ANKH: variants seen among roughly 807,000 people sequenced by gnomAD.
ANKH encodes ANKH inorganic pyrophosphate transport regulator.
Under a neutral mutation model 49.0 loss-of-function variants are expected in ANKH, and 15 were observed. The ratio of observed to expected loss-of-function variants is 0.31; its 90% CI spans 0.20 to 0.47. The LOEUF is 0.47. ANKH is among the 20% of genes least tolerant of loss of function. The probability of loss-of-function intolerance (pLI) is 1.00; values close to 1 mark genes in which losing one functional copy is unlikely to be tolerated. For missense variants in ANKH, 429 were observed against 652.0 expected (o/e 0.66, Z 3.72); for synonymous variants, 273 against 260.0 (o/e 1.05, Z -0.48).
intron 8 of ANKH, among the ~76,000 whole-genome samples, chr5:14,734,354 C>T (rs905267925): frequency 2.0e-5 from 3 of 152,142 alleles, no homozygotes; most frequent in Non-Finnish European, 4.4e-5. Context: ...GGGCCACGTG[C>T]GTCAGGGATA....
chr5:14,824,401 C>T (rs142751635), intron 1 of ANKH, among the ~76,000 whole-genome samples: 11 of 152,062 alleles, frequency 7.2e-5, no homozygotes, highest in South Asian at 2.1e-4. Flanking sequence ...TATAAAAAAG[C>T]GGTTTCTTTT....
intron 6 of ANKH, among the ~76,000 whole-genome samples, chr5:14,747,768 T>C (rs1259020272): frequency 6.6e-6 from 1 of 152,094 alleles, no homozygotes; most frequent in Non-Finnish European, 1.5e-5. Flanking sequence ...CCCAGCAATG[T>C]GAAGAAAGTG....
At chr5:14,726,714 C>T (rs2126438316) in intron 8 of ANKH, among the ~76,000 whole-genome samples, 1 of 152,270 alleles carries the variant, frequency 6.6e-6, no homozygotes, top group South Asian at 2.1e-4. Flanking sequence ...GGAATTCCAT[C>T]AGGACACACT....
chr5:14,765,045 C>G (rs1254027268), intron 2 of ANKH, among the ~76,000 whole-genome samples: 1 of 152,250 alleles, frequency 6.6e-6, no homozygotes, highest in African/African-American at 2.4e-5. Flanking sequence ...AATGCAAGGT[C>G]AGCACGCTTT....
chr5:14,841,533 G>A (rs1741816413), intron 1 of ANKH, among the ~76,000 whole-genome samples: 1 of 152,138 alleles, frequency 6.6e-6, no homozygotes. Context: ...CTGACCTCAG[G>A]TGATCCATGC....
intron 1 of ANKH, among the ~76,000 whole-genome samples, chr5:14,817,296 C>G (rs137913134): frequency 6.6e-6 from 1 of 151,512 alleles, no homozygotes; most frequent in African/African-American, 2.4e-5. Context: ...CTATGTGTGA[C>G]GCTAAAACGC....
intron 1 of ANKH, among the ~76,000 whole-genome samples, chr5:14,852,986 G>A (rs1292448999): frequency 1.3e-5 from 2 of 151,990 alleles, no homozygotes; most frequent in East Asian, 1.9e-4. Context: ...AGGTACCCCC[G>A]GGAGTGTGCA....
At chr5:14,804,993 C>T (rs549435285) in intron 1 of ANKH, among the ~76,000 whole-genome samples, 46 of 152,166 alleles carry the variant, frequency 3.0e-4, no homozygotes, top group African/African-American at 9.2e-4. Flanking sequence ...CTTGCTGTGA[C>T]GGTTAATACT....
At chr5:14,758,453 A>G (rs758111026) in intron 3 of ANKH, 27 bp downstream of exon 3, 6 of 1,562,160 alleles carry the variant, frequency 3.8e-6, no homozygotes, top group South Asian at 3.3e-5. Flanking sequence ...AGAAAAAGAA[A>G]GAAAGCCAAC....
chr5:14,755,482 C>T (rs1039986305), intron 4 of ANKH, among the ~76,000 whole-genome samples: 3 of 152,174 alleles, frequency 2.0e-5, no homozygotes, highest in Non-Finnish European at 4.4e-5. Flanking sequence ...GAGTGACAGA[C>T]TTCATAGTGA....
chr5:14,749,082 G>C (rs1455334410), intron 6 of ANKH, 90 bp downstream of exon 6: 3 of 1,561,462 alleles, frequency 1.9e-6, no homozygotes, highest in Admixed American at 1.7e-5. Flanking sequence ...GGAATTACTT[G>C]AGCTCTCGAG....
chr5:14,816,605 T>G, intron 1 of ANKH, among the ~76,000 whole-genome samples: 1 of 152,140 alleles, frequency 6.6e-6, no homozygotes, highest in African/African-American at 2.4e-5. Context: ...CTCTATTCTC[T>G]CACAAAAGGT....
At chr5:14,871,224 C>G in intron 1 of ANKH, 128 bp downstream of exon 1, 1 of 810,972 alleles carries the variant, frequency 1.2e-6, no homozygotes, top group Admixed American at 2.0e-5. Flanking sequence ...CCTTGACAAG[C>G]TGCACACCCG....
At position 14,711,385 on chromosome 5, in the gene ANKH, A is replaced by G. The variant is rs543629359; in HGVS notation, c.1366-75T>C. On this transcript the variant is annotated intron_variant, in intron 11 of 11. Transcript: ENST00000284268. ...ACAGCAGAACCACGAGCAGGGAGAC[A>G]ACACCGGGGTCTTGGGGGACCCCTC... 425 of 1,314,828 alleles carry G rather than the reference A, an allele frequency of 3.2e-4. 4 individuals are homozygous for G. In the African/African-American group the frequency reaches 5.2e-3, roughly 16 times the overall value. 81.4% of individuals were successfully genotyped at this position (1,314,828 alleles called of 1,614,324 possible). A position where few individuals can be genotyped will look rare whatever the true frequency, so the allele number is the denominator to read the frequency against.
intron 1 of ANKH, among the ~76,000 whole-genome samples, chr5:14,836,181 G>T (rs1741647283): frequency 6.6e-6 from 1 of 152,076 alleles, no homozygotes; most frequent in Non-Finnish European, 1.5e-5. Context: ...GGCAAAAACT[G>T]GAAGCATTCC....
chr5:14,716,694 G>A lies in ANKH; in HGVS notation c.1141+12C>T, dbSNP rs774735154. Reference sequence around the variant, plus strand: ...TAAACAGGAATGCTTCCTTCATTCTGTTTTTCTTTACCTGGAACTGGGAAG... The same window carrying A: ...TAAACAGGAATGCTTCCTTCATTCTATTTTTCTTTACCTGGAACTGGGAAG... On this transcript the variant is annotated intron_variant, in intron 9 of 11. Transcript: ENST00000284268. 1.5e-5 allele frequency: 25 copies of A among 1,613,706 alleles called. No homozygotes were observed.
At position 14,717,509 on chromosome 5, in the gene ANKH, C is replaced by T. The variant is rs146326026; in HGVS notation, c.1012-674G>A. Among the ~76,000 whole-genome samples the T allele has an allele frequency of 1.3e-3, 195 of 152,310 alleles. 1 individual carries two copies. The highest frequency in any genetic ancestry group is 4.4e-3 in the African/African-American group (184 of 41,558). ...TCCCTTCCCCACAGATCAGAAAGTG[C>T]GGCACAGGTCCTTCCAGAGACAGGG... On this transcript the variant is annotated intron_variant, in intron 8 of 11. Transcript: ENST00000284268.
intron 1 of ANKH, among the ~76,000 whole-genome samples, chr5:14,779,219 C>G (rs1739731281): frequency 6.6e-6 from 1 of 152,174 alleles, no homozygotes; most frequent in African/African-American, 2.4e-5. Flanking sequence ...CCTTTATGTT[C>G]CTCTGACCAT....
rs766218741 is a variant in ANKH at position 14,768,935 on chromosome 5, T to G, written c.313+40A>C. ...AAATCAATGAAAAGGAATAAGAAAT[T>G]GCCAAAGCTAGATTCGTCAGTGGCG... is the stretch of plus-strand genomic sequence containing the variant. On this transcript the variant is annotated intron_variant, in intron 2 of 11. Coordinates refer to ENST00000284268, the MANE Select transcript of ANKH (RefSeq NM_054027.6). 3 of 1,586,378 alleles carry G rather than the reference T, an allele frequency of 1.9e-6. No homozygotes were observed. In the East Asian group the frequency reaches 6.7e-5, roughly 35 times the overall value.
Sources: gnomAD v4.1 joint callset for allele counts (sites outside exome capture counted in the v4.1 genomes callset) on GRCh38, gnomAD v4.1.1 for gene constraint, MANE v1.5 for transcripts, NCBI Gene and HGNC (gene_info 2026-07-23, HGNC 2026-07-21) for gene names.